Variants in SPATS2 observed in about 807,000 individuals in gnomAD.
SPATS2 encodes spermatogenesis associated serine rich 2, also known as spermatogenesis-associated serine-rich protein 2.
In SPATS2, 38 loss-of-function variants were observed where a neutral mutation model predicts 63.7. That is an observed-to-expected ratio of 0.60 (90% CI 0.46 to 0.78). The LOEUF (loss-of-function observed/expected upper bound fraction) is 0.78. Ranked by LOEUF, SPATS2 falls within the 30% of genes least tolerant of loss-of-function variation. The probability of loss-of-function intolerance (pLI) is 0.00; values close to 1 mark genes in which losing one functional copy is unlikely to be tolerated. For synonymous variants in SPATS2, 207 were observed against 232.9 expected (o/e 0.89, Z 1.01); for missense variants, 588 against 666.2 (o/e 0.88, Z 1.29).
In SPATS2 at chr12:49,519,054, A is replaced by G. The variant is rs374619188; in HGVS notation, c.899-19A>G. 3 of 1,599,124 alleles carry G rather than the reference A, an allele frequency of 1.9e-6. No homozygotes were observed. In the African/African-American group the frequency reaches 4.0e-5, roughly 21 times the overall value. On this transcript the variant is annotated intron_variant, in intron 10 of 13. Transcript: ENST00000552918. The stretch of plus-strand genomic sequence containing the variant: ...TATTTAGCAGCAACATAAGGTTCAC[A>G]CTCACTTTTCCTCTACAGTGGAAAT...
intron 2 of SPATS2, among the ~76,000 whole-genome samples, chr12:49,374,182 G>A (rs1271229945): frequency 1.3e-5 from 2 of 151,974 alleles, no homozygotes; most frequent in Non-Finnish European, 2.9e-5. Flanking sequence ...CCAGGCTGGA[G>A]TGCAGTGGTG....
chr12:49,421,973 A>G (rs1177213669), intron 2 of SPATS2, among the ~76,000 whole-genome samples: 4 of 152,190 alleles, frequency 2.6e-5, no homozygotes, highest in Non-Finnish European at 4.4e-5. Flanking sequence ...TTAAATGTAC[A>G]TATAAATTCG....
At chr12:49,487,794 T>C (rs772696835) in intron 4 of SPATS2, among the ~76,000 whole-genome samples, 4 of 152,064 alleles carry the variant, frequency 2.6e-5, no homozygotes, top group Non-Finnish European at 5.9e-5. Context: ...AAGGTCTCAC[T>C]ATGTTGCCTA....
chr12:49,498,148 ATATATAT>A (rs1565751659), intron 8 of SPATS2, among the ~76,000 whole-genome samples: 3 of 129,102 alleles, frequency 2.3e-5, no homozygotes, highest in African/African-American at 1.0e-4. Context: ...AAAAAAAAAT[ATATATAT>A]ATATATATAT....
intron 10 of SPATS2, among the ~76,000 whole-genome samples, chr12:49,515,506 G>A (rs941615718): frequency 2.0e-5 from 3 of 152,222 alleles, no homozygotes; most frequent in African/African-American, 7.2e-5. Flanking sequence ...GCACTGAAAT[G>A]ACTTCAGCTT....
chr12:49,477,860 A>G (rs1158181176), intron 3 of SPATS2, among the ~76,000 whole-genome samples: 1 of 151,786 alleles, frequency 6.6e-6, no homozygotes, highest in East Asian at 1.9e-4. Flanking sequence ...CTACCAAAAC[A>G]GTCGTATTTC....
chr12:49,378,589 G>A (rs902780931), intron 2 of SPATS2, among the ~76,000 whole-genome samples: 2 of 151,882 alleles, frequency 1.3e-5, no homozygotes, highest in Non-Finnish European at 2.9e-5. Flanking sequence ...GAGCCACCAC[G>A]CCCGGCCAAT....
intron 3 of SPATS2, among the ~76,000 whole-genome samples, chr12:49,475,394 A>T (rs1348430177): frequency 6.6e-6 from 1 of 152,192 alleles, no homozygotes; most frequent in Non-Finnish European, 1.5e-5. Flanking sequence ...AAAAATTACA[A>T]TTGAATTTCT....
intron 2 of SPATS2, among the ~76,000 whole-genome samples, chr12:49,384,438 T>C (rs1203936737): frequency 6.6e-6 from 1 of 152,246 alleles, no homozygotes; most frequent in Non-Finnish European, 1.5e-5. Context: ...CCATACATGG[T>C]ACTGTTCTTA....
chr12:49,396,649 T>G (rs1197775353), intron 2 of SPATS2, among the ~76,000 whole-genome samples: 2 of 152,246 alleles, frequency 1.3e-5, no homozygotes, highest in African/African-American at 4.8e-5. Flanking sequence ...AGGACTAGGA[T>G]CCAGTTTCTT....
At position 49,526,327 on chromosome 12, in the gene SPATS2, A is replaced by T; in HGVS notation, c.*72A>T. The T allele has an allele frequency of 6.7e-7, 1 of 1,485,770 alleles. No individual in the cohort carries two copies. The highest frequency in any genetic ancestry group is 9.0e-7 in the Non-Finnish European group (1 of 1,114,976). The allele number at this position is 1,485,770 out of a possible 1,614,324, so 92.0% of individuals were successfully genotyped here. On this transcript the variant is annotated 3_prime_UTR_variant, in exon 14 of 14. Transcript: ENST00000552918. ...GATAACTGGACTTTAGGAAACTTAC[A>T]GTTAGATGTAATAACAAAAAGAAGT...
At chr12:49,379,304 C>G (rs1198216082) in intron 2 of SPATS2, among the ~76,000 whole-genome samples, 3 of 149,878 alleles carry the variant, frequency 2.0e-5, no homozygotes, top group African/African-American at 7.3e-5. Context: ...TCCTAGCACT[C>G]TGGGAGGCTG....
intron 2 of SPATS2, among the ~76,000 whole-genome samples, chr12:49,423,427 T>C (rs1945019298): frequency 6.6e-6 from 1 of 152,186 alleles, no homozygotes; most frequent in African/African-American, 2.4e-5. Flanking sequence ...CCACCGCGCC[T>C]GGCCTAATAC....
intron 5 of SPATS2, chr12:49,490,454 TACTG>T (rs1946364099): frequency 1.9e-6 from 1 of 519,106 alleles, no homozygotes. Context: ...TAGAAGAACT[TACTG>T]AGGAAATTAC....
At chr12:49,437,466 G>C (rs1299552390) in intron 2 of SPATS2, among the ~76,000 whole-genome samples, 1 of 152,244 alleles carries the variant, frequency 6.6e-6, no homozygotes, top group Non-Finnish European at 1.5e-5. Context: ...ACTTTGGGGG[G>C]CCAAGGCAGG....
At chr12:49,496,560 C>T (rs922947594) in intron 7 of SPATS2, among the ~76,000 whole-genome samples, 2 of 152,200 alleles carry the variant, frequency 1.3e-5, no homozygotes, top group African/African-American at 4.8e-5. Flanking sequence ...AAAGAAGCCA[C>T]AGAGCCACAG....
At chr12:49,495,050 A>G in intron 7 of SPATS2, 48 bp downstream of exon 7, 5 of 1,478,652 alleles carry the variant, frequency 3.4e-6, no homozygotes, top group Non-Finnish European at 1.8e-6. Context: ...GTTGAAAAAC[A>G]GGGTTCTCCT....
Position 49,514,626 on chromosome 12 carries a change from A to T in SPATS2, c.898+13A>T. On this transcript the variant is annotated intron_variant, in intron 10 of 13. Transcript: ENST00000552918. ...AAAGCTGAAGCAAGTAAGATGATTGATCTTTAATTAAAGCTATTACCTTCA... is the reference window on the plus strand; with the variant it reads ...AAAGCTGAAGCAAGTAAGATGATTGTTCTTTAATTAAAGCTATTACCTTCA... 6.2e-7 allele frequency: 1 copy of T among 1,611,950 alleles called. No individual in the cohort carries two copies. The highest frequency in any genetic ancestry group is 8.5e-7 in the Non-Finnish European group (1 of 1,178,876).
intron 2 of SPATS2, among the ~76,000 whole-genome samples, chr12:49,433,741 A>T (rs1476326766): frequency 6.6e-6 from 1 of 152,040 alleles, no homozygotes; most frequent in Non-Finnish European, 1.5e-5. Context: ...CTGCCATTTC[A>T]TTGGTTGCCT....
Sources: gnomAD v4.1 joint callset for allele counts (sites outside exome capture counted in the v4.1 genomes callset) on GRCh38, gnomAD v4.1.1 for gene constraint, MANE v1.5 for transcripts, NCBI Gene and HGNC (gene_info 2026-07-23, HGNC 2026-07-21) for gene names.